The following HYDIN variants were observed in gnomAD, a reference collection of about 807,000 sequenced individuals.
HYDIN encodes HYDIN axonemal central pair apparatus protein, also known as axonemal central pair apparatus protein HYDIN.
A neutral mutation model predicts 403.9 loss-of-function variants in HYDIN; 132 were observed. The observed-to-expected ratio is 0.33, with a 90% CI of 0.28 to 0.38. The LOEUF (loss-of-function observed/expected upper bound fraction) is 0.38. HYDIN is among the 10% of genes least tolerant of loss of function. The pLI, the probability that HYDIN is intolerant of heterozygous loss-of-function variation, is 1.00. For missense variants in HYDIN, 2,827 were observed against 5,009.5 expected, an observed-to-expected ratio of 0.56 and a Z score of 13.15; for synonymous variants, 1,202 against 1,891.7, an observed-to-expected ratio of 0.64 and a Z score of 9.46.
rs75868296 is a variant in HYDIN at position 71,148,864 on chromosome 16, T to C, written c.841+3795A>G. Among the ~76,000 whole-genome samples, 76 of 134,584 alleles carry C rather than the reference T, an allele frequency of 5.6e-4. 1 individual carries two copies. Among genetic ancestry groups the C allele is most frequent in the Middle Eastern group, 7.1e-3 (2 of 282 alleles). 88.3% of individuals were successfully genotyped at this position (134,584 alleles called of 152,430 possible). Reference sequence around the variant, plus strand: ...ACCTCTGCCTCCCGGGTTCAAGCTATTCTCCCGCCTCAGCTTCCTGATTAG... The same window carrying C: ...ACCTCTGCCTCCCGGGTTCAAGCTACTCTCCCGCCTCAGCTTCCTGATTAG... On this transcript the variant is annotated intron_variant, in intron 7 of 85. Transcript: ENST00000393567.
Position 71,025,471 on chromosome 16 carries a change from C to T in HYDIN, c.3098G>A (p.Ser1033Asn). ...HAIIGAQKGK[S>N]LVMAVNITCE... ...GGTGATGTTCACAGCCATCACCAAG[C>T]TCTTCCCCTTCTGTGCCCCGATGAT... is the stretch of plus-strand genomic sequence containing the variant. Residue 1033 changes from serine (S) to asparagine (N), a missense_variant, in exon 21 of 86, where the codon AGC becomes AAC. By Grantham distance (46) the Ser-to-Asn change is conservative (BLOSUM62 1). Coordinates refer to ENST00000393567, the MANE Select transcript of HYDIN (RefSeq NM_001270974.2). 1 of 348,974 alleles carries T rather than the reference C, an allele frequency of 2.9e-6. No homozygotes were observed. 21.6% of individuals were successfully genotyped at this position (348,974 alleles called of 1,614,324 possible).
At position 71,077,494 on chromosome 16, in the gene HYDIN, T is replaced by C. The variant is rs202208759; in HGVS notation, c.1738+2391A>G. Among the ~76,000 whole-genome samples the C allele has an allele frequency of 8.5e-5, 13 of 152,298 alleles. No individual in the cohort carries two copies. The East Asian group carries it at 2.1e-3, about 25-fold the overall frequency. The stretch of plus-strand genomic sequence containing the variant: ...AACTCTTATTAGTTCTAATGCCTTG[T>C]CAGTTAATTACCACAGTTTTTCTAG... On this transcript the variant is annotated intron_variant, in intron 13 of 85. Coordinates refer to ENST00000393567, the MANE Select transcript of HYDIN (RefSeq NM_001270974.2).
chr16:71,021,430 T>C (rs904671051), intron 21 of HYDIN, among the ~76,000 whole-genome samples: 7 of 152,086 alleles, frequency 4.6e-5, no homozygotes, highest in Non-Finnish European at 1.0e-4. Context: ...TTGGCCACGA[T>C]GGTCTTGATA....
intron 8 of HYDIN, among the ~76,000 whole-genome samples, chr16:71,130,797 G>A (rs975915670): frequency 2.7e-5 from 4 of 147,910 alleles, no homozygotes; most frequent in African/African-American, 5.4e-5. Context: ...CTATATACCG[G>A]TTTTCTCCCC....
At chr16:71,039,060 G>C (rs2081196354) in intron 18 of HYDIN, among the ~76,000 whole-genome samples, 2 of 152,040 alleles carry the variant, frequency 1.3e-5, no homozygotes, top group Admixed American at 1.3e-4. Flanking sequence ...AGAAGAAATG[G>C]TGTAGAGCTT....
chr16:70,989,475 T>G (rs981443320), intron 25 of HYDIN, among the ~76,000 whole-genome samples: 1 of 152,132 alleles, frequency 6.6e-6, no homozygotes, highest in African/African-American at 2.4e-5. Flanking sequence ...AGGAAAGAAA[T>G]AAAAGTCCAT....
chr16:70,841,937 G>C (rs1184197855), intron 75 of HYDIN, among the ~76,000 whole-genome samples: 1 of 150,132 alleles, frequency 6.7e-6, no homozygotes, highest in African/African-American at 2.5e-5. Context: ...GATGAAGACA[G>C]GTTCCAGTGG....
At chr16:71,070,170 G>A (rs8063511) in intron 13 of HYDIN, among the ~76,000 whole-genome samples, 5,704 of 152,190 alleles carry the variant, frequency 0.037, 411 homozygotes, top group African/African-American at 0.13. Flanking sequence ...GCTTTGTTCC[G>A]TGAGACTCCT....
intron 18 of HYDIN, among the ~76,000 whole-genome samples, chr16:71,046,889 T>G (rs1026552394): frequency 2.0e-5 from 3 of 152,162 alleles, no homozygotes; most frequent in African/African-American, 7.2e-5. Flanking sequence ...TAGTTGATAA[T>G]GACCATGACA....
chr16:71,042,632 T>C (rs1033815800), intron 18 of HYDIN, among the ~76,000 whole-genome samples: 35 of 152,320 alleles, frequency 2.3e-4, no homozygotes, highest in Non-Finnish European at 4.3e-4. Flanking sequence ...TATACAACGT[T>C]CAGGTTCCCA....
intron 62 of HYDIN, among the ~76,000 whole-genome samples, chr16:70,877,086 G>A (rs1393094600): frequency 6.6e-6 from 1 of 150,888 alleles, no homozygotes; most frequent in Non-Finnish European, 1.5e-5. Context: ...AACTTTAACA[G>A]TAGATTCAAT....
At chr16:70,900,498 C>A in intron 53 of HYDIN, among the ~76,000 whole-genome samples, 2 of 135,550 alleles carry the variant, frequency 1.5e-5, no homozygotes, top group African/African-American at 2.9e-5. Flanking sequence ...AAAAAAGATA[C>A]ATTGGGAGGT....
intron 83 of HYDIN, among the ~76,000 whole-genome samples, chr16:70,819,381 AAATTTAATTT>A (rs113503868): frequency 8.3e-4 from 126 of 152,050 alleles, no homozygotes; most frequent in African/African-American, 2.9e-3. Flanking sequence ...TAACCTTTTA[AAATTTAATTT>A]AATTTAATTT....
chr16:70,860,298 C>A (rs2039326913), intron 70 of HYDIN, 92 bp from the exon 71 acceptor site: 2 of 1,424,064 alleles, frequency 1.4e-6, no homozygotes, highest in Non-Finnish European at 1.9e-6. Flanking sequence ...AACCCAGTCC[C>A]CCATCTGGGA....
At chr16:70,923,153 C>A (rs374127393) in intron 45 of HYDIN, among the ~76,000 whole-genome samples, 1 of 145,340 alleles carries the variant, frequency 6.9e-6, no homozygotes, top group East Asian at 2.1e-4. Flanking sequence ...AGAAAAAGAA[C>A]GGAATAATAA....
chr16:70,818,394 C>T lies in HYDIN; in HGVS notation c.14606G>A (p.Arg4869Gln), dbSNP rs2795652. 94 of 1,613,710 alleles carry T rather than the reference C, an allele frequency of 5.8e-5. No homozygotes were observed. The highest frequency in any genetic ancestry group is 3.3e-4 in the Middle Eastern group (2 of 6,050). Reference protein sequence around the residue: ...PYSVTFSTECRMPDIALPSQF... With the variant: ...PYSVTFSTECQMPDIALPSQF... ...GGAGGGCAGGGCGATGTCGGGCATC[C>T]GGCATTCCGTGGAGAAGGTCACCGA... The change falls in exon 84 of 86, where the codon CGG becomes CAG. Residue 4869 changes from arginine (R) to glutamine (Q), a missense_variant. Arg to Gln is a conservative substitution (Grantham distance 43). Transcript: ENST00000393567.
chr16:71,021,680 T>C lies in HYDIN; in HGVS notation c.3187-1363A>G, dbSNP rs562280455. ...ATCAGGGGGTGACCAGGAGCCTCAA[T>C]CTTTGGCCTCCAAAAAGAACCTCCC... On this transcript the variant is annotated intron_variant, in intron 21 of 85. Transcript: ENST00000393567. 2.3e-4 allele frequency among the ~76,000 whole-genome samples: 35 copies of C among 152,192 alleles called. No homozygotes were observed. The South Asian group carries it at 7.3e-3, about 32-fold the overall frequency.
chr16:70,820,046 T>A (rs1216473696), intron 83 of HYDIN, among the ~76,000 whole-genome samples: 8 of 146,584 alleles, frequency 5.5e-5, no homozygotes, highest in Admixed American at 5.4e-4. Flanking sequence ...GGTCTCAATC[T>A]CCTGACCTCG....
Position 71,018,443 on chromosome 16 carries a change from C to T in HYDIN, c.3331-1G>A, listed in dbSNP as rs1238021361. 1 of 470,954 alleles carries T rather than the reference C, an allele frequency of 2.1e-6. No individual in the cohort carries two copies. The highest frequency in any genetic ancestry group is 2.1e-5 in the African/African-American group (1 of 47,434). The allele number at this position is 470,954 out of a possible 1,614,324, so 29.2% of individuals were successfully genotyped here. On this transcript the variant is annotated splice_acceptor_variant, in intron 22 of 85. Coordinates refer to ENST00000393567, the MANE Select transcript of HYDIN (RefSeq NM_001270974.2). LOFTEE classifies it high-confidence loss of function. ...CTTCATCAATTTCCAGTTTAATAGG[C>T]TACAAACAAGATAATGGGGAAATTA...
Sources: gnomAD v4.1 joint callset for allele counts (sites outside exome capture counted in the v4.1 genomes callset) on GRCh38, gnomAD v4.1.1 for gene constraint, MANE v1.5 for transcripts, NCBI Gene and HGNC (gene_info 2026-07-23, HGNC 2026-07-21) for gene names.